CASD1: variants seen among roughly 807,000 people sequenced by gnomAD.
The protein encoded by CASD1 is N-acetylneuraminate (7)9-O-acetyltransferase.
CASD1 carries 41 observed loss-of-function variants against 100.0 expected under a neutral mutation model. The observed-to-expected ratio is 0.41, with a 90% CI of 0.32 to 0.53. The LOEUF (loss-of-function observed/expected upper bound fraction) is 0.53, where lower values mean the gene tolerates loss of function less well. CASD1 is among the 20% of genes least tolerant of loss of function. The pLI is 0.25. For synonymous variants in CASD1, 321 were observed against 315.6 expected, an observed-to-expected ratio of 1.02 and a Z score of -0.18; for missense variants, 774 against 948.7, an observed-to-expected ratio of 0.82 and a Z score of 2.42.
the CASD1 span, among the ~76,000 whole-genome samples, chr7:94,593,049 C>CT: frequency 6.6e-6 from 1 of 152,030 alleles, no homozygotes. Flanking sequence ...CTGATATTAA[C>CT]TTTTATTAAA....
At chr7:94,539,086 T>G (rs376714910) in intron 10 of CASD1, 30 bp downstream of exon 10, 2 of 1,317,660 alleles carry the variant, frequency 1.5e-6, no homozygotes, top group Middle Eastern at 1.9e-4. Flanking sequence ...GTTCAGAAAG[T>G]ATAGGAAGTG....
At position 94,517,615 on chromosome 7, in the gene CASD1, T is replaced by G. The variant is rs780784679; in HGVS notation, c.189T>G (p.Val63=). The change falls in exon 2 of 18, where the codon GTT becomes GTG. Residue 63 remains valine (V), a synonymous_variant. Transcript: ENST00000297273. ...LSSGRFLGEK[V]WQPHSCMMHK... ...GTGGCAGATTTCTTGGAGAGAAAGT[T>G]TGGCAACCTCACAGTTGTATGATGC... is the stretch of plus-strand genomic sequence containing the variant. 6.2e-7 allele frequency: 1 copy of G among 1,612,768 alleles called. No individual in the cohort carries two copies. The highest frequency in any genetic ancestry group is 2.2e-5 in the East Asian group (1 of 44,852).
At chr7:94,601,443 C>CAAAAAAAAAA in the CASD1 span, among the ~76,000 whole-genome samples, 194 of 89,238 alleles carry the variant, frequency 2.2e-3, 19 homozygotes, top group Middle Eastern at 5.9e-3. Flanking sequence ...ATCCCAGTAT[C>CAAAAAAAAAA]AAAAAAAAAA....
At chr7:94,572,442 C>G in the CASD1 span, among the ~76,000 whole-genome samples, 5 of 151,984 alleles carry the variant, frequency 3.3e-5, no homozygotes, top group African/African-American at 1.2e-4. Flanking sequence ...TATAGGAATG[C>G]TAGTGATTTT....
At chr7:94,539,397 A>G (rs891420289) in intron 10 of CASD1, among the ~76,000 whole-genome samples, 1 of 152,160 alleles carries the variant, frequency 6.6e-6, no homozygotes, top group African/African-American at 2.4e-5. Flanking sequence ...GGCCAGGTGT[A>G]GTGGCTCATG....
Position 94,527,204 on chromosome 7 carries a change from G to T in CASD1, c.394G>T (p.Val132Leu). ...TGAAGACAAGACTGCATCAGTTAAAGTGGTAAGTTCATGTAATAGTAAGCT... is the reference window on the plus strand; with the variant it reads ...TGAAGACAAGACTGCATCAGTTAAATTGGTAAGTTCATGTAATAGTAAGCT... ...PFEDKTASVK[V>L]DFLWHPEVNG... Residue 132 changes from valine to leucine, a missense_variant and splice_region_variant, in exon 4 of 18, where the codon GTG becomes TTG. By Grantham distance (32) the Val-to-Leu change is conservative. This residue lies in a region of CASD1 where 61 missense variants were observed against 115.9 expected (regional missense o/e 0.53). Transcript: ENST00000297273. 6.2e-7 allele frequency: 1 copy of T among 1,606,888 alleles called. No homozygotes were observed. Among genetic ancestry groups the T allele is most frequent in the Non-Finnish European group, 8.5e-7 (1 of 1,174,136 alleles).
the CASD1 span, chr7:94,625,923 T>A: frequency 1.3e-5 from 2 of 152,116 alleles, no homozygotes; most frequent in African/African-American, 4.8e-5. Flanking sequence ...GAAGTAGGAC[T>A]GCCAGATAAT....
At chr7:94,619,037 G>T in the CASD1 span, 2 of 983,678 alleles carry the variant, frequency 2.0e-6, no homozygotes, top group Non-Finnish European at 3.3e-6. Flanking sequence ...TTTGCGATTT[G>T]TTGAGTTCTG....
At chr7:94,512,080 G>T (rs2116156834) in intron 1 of CASD1, among the ~76,000 whole-genome samples, 1 of 152,314 alleles carries the variant, frequency 6.6e-6, no homozygotes, top group East Asian at 1.9e-4. Context: ...TGCTTTGGCA[G>T]TATCAAACTG....
chr7:94,533,115 T>G, intron 5 of CASD1, 90 bp from the exon 6 acceptor site: 1 of 831,354 alleles, frequency 1.2e-6, no homozygotes, highest in Non-Finnish European at 1.9e-6. Flanking sequence ...AGGAAGAACT[T>G]ACATTTTAAG....
chr7:94,512,378 A>G (rs528702771), intron 1 of CASD1, among the ~76,000 whole-genome samples: 3 of 152,352 alleles, frequency 2.0e-5, no homozygotes, highest in Admixed American at 1.3e-4. Flanking sequence ...GCTTTAGAAT[A>G]AGAAAGGATC....
In CASD1 at chr7:94,544,515, C is replaced by A. The variant is rs1795578063; in HGVS notation, c.1461C>A (p.Ile487=). The A allele has an allele frequency of 2.5e-6, 4 of 1,612,646 alleles. No homozygotes were observed. Among genetic ancestry groups the A allele is most frequent in the African/African-American group, 2.7e-5 (2 of 74,952 alleles). ...SYFWIKGDFG[I]YRVCQVLFRL... ...TTTGGATAAAAGGAGATTTTGGAAT[C>A]TATAGAGTATGTCAGGTAGGAATGC... The change falls in exon 11 of 18, where the codon ATC becomes ATA. Residue 487 remains isoleucine (I), a synonymous_variant. Coordinates refer to ENST00000297273, the MANE Select transcript of CASD1 (RefSeq NM_022900.5).
chr7:94,531,782 A>G (rs1044407003), intron 5 of CASD1, among the ~76,000 whole-genome samples: 4 of 151,750 alleles, frequency 2.6e-5, no homozygotes, highest in African/African-American at 9.7e-5. Context: ...CTTGTTTTTA[A>G]TTGTTTCTTG....
At chr7:94,580,794 G>A in the CASD1 span, among the ~76,000 whole-genome samples, 2 of 152,186 alleles carry the variant, frequency 1.3e-5, no homozygotes, top group East Asian at 1.9e-4. Flanking sequence ...TCGCATACCA[G>A]CACTGAAACA....
chr7:94,581,349 A>G, the CASD1 span, among the ~76,000 whole-genome samples: 26 of 152,138 alleles, frequency 1.7e-4, no homozygotes, highest in African/African-American at 6.0e-4. Flanking sequence ...ATTGACATCA[A>G]ATGACATTTT....
chr7:94,619,280 G>A, the CASD1 span: 2 of 206,204 alleles, frequency 9.7e-6, no homozygotes. Flanking sequence ...TGATCTTTTG[G>A]GGAGCATGCT....
chr7:94,540,469 ATTAT>A (rs1795341636), intron 10 of CASD1, among the ~76,000 whole-genome samples: 2 of 152,298 alleles, frequency 1.3e-5, no homozygotes, highest in South Asian at 4.1e-4. Flanking sequence ...ATTTTCAAAA[ATTAT>A]TTATGATTTT....
At chr7:94,632,241 T>C in the CASD1 span, among the ~76,000 whole-genome samples, 2 of 152,000 alleles carry the variant, frequency 1.3e-5, no homozygotes, top group Non-Finnish European at 2.9e-5. Context: ...AATGATTCCA[T>C]TTTCTACATT....
intron 3 of CASD1, among the ~76,000 whole-genome samples, chr7:94,522,381 C>G (rs1016565631): frequency 1.1e-4 from 17 of 152,268 alleles, no homozygotes; most frequent in Middle Eastern, 3.4e-3. Flanking sequence ...GTTCAGATAA[C>G]TAAGATTTTA....
Sources: allele counts gnomAD v4.1 joint callset (sites outside exome capture counted in the v4.1 genomes callset), GRCh38; gene constraint gnomAD v4.1.1; regional missense constraint gnomAD v4.1.1; transcripts MANE v1.5; gene names NCBI Gene and HGNC (gene_info 2026-07-23, HGNC 2026-07-21).